Variants in SULT4A1 observed in about 807,000 individuals in gnomAD.
SULT4A1 encodes sulfotransferase family 4A member 1.
Under a neutral mutation model 35.2 loss-of-function variants are expected in SULT4A1, and 11 were observed. The ratio of observed to expected loss-of-function variants is 0.31; its 90% CI spans 0.20 to 0.52. The LOEUF is 0.52. SULT4A1 is among the 20% of genes least tolerant of loss of function. The pLI is 0.97. For synonymous variants in SULT4A1, 152 were observed against 151.8 expected (o/e 1.00, Z -0.01); for missense variants, 271 against 383.7 (o/e 0.71, Z 2.45).
intron 4 of SULT4A1, among the ~76,000 whole-genome samples, chr22:43,836,411 A>G (rs376263395): frequency 2.2e-5 from 3 of 135,584 alleles, no homozygotes; most frequent in Non-Finnish European, 3.1e-5. Context: ...CTCACACTGC[A>G]GGTGCCACAG....
rs369405029 is a variant in SULT4A1, at chr22:43,852,549, C to A, written c.169+9665G>T. On this transcript the variant is annotated intron_variant, in intron 1 of 6. Transcript: ENST00000330884. ...CCCAGGACCTGGGAGCTCCTGCCCC[C>A]ATCCAGGTGGGAACTGCCCCCCAGC... Among the ~76,000 whole-genome samples, 5 of 152,042 alleles carry A rather than the reference C, an allele frequency of 3.3e-5. No individual in the cohort carries two copies. The East Asian group carries it at 5.8e-4, about 18-fold the overall frequency.
intron 2 of SULT4A1, among the ~76,000 whole-genome samples, chr22:43,841,191 G>A (rs1176972719): frequency 6.6e-6 from 1 of 152,208 alleles, no homozygotes; most frequent in Non-Finnish European, 1.5e-5. Context: ...GGGCCCTGGA[G>A]GGCCACAGGG....
chr22:43,859,912 G>A (rs1350901401), intron 1 of SULT4A1, among the ~76,000 whole-genome samples: 1 of 152,344 alleles, frequency 6.6e-6, no homozygotes, highest in South Asian at 2.1e-4. Flanking sequence ...GTCCTACGCT[G>A]GAGAGCACAG....
intron 1 of SULT4A1, among the ~76,000 whole-genome samples, chr22:43,851,181 C>T (rs919723005): frequency 3.3e-5 from 5 of 152,196 alleles, no homozygotes; most frequent in Non-Finnish European, 7.3e-5. Context: ...ATTAAAACCT[C>T]CACCATCACA....
chr22:43,855,945 G>A (rs887319075), intron 1 of SULT4A1, among the ~76,000 whole-genome samples: 20 of 152,210 alleles, frequency 1.3e-4, no homozygotes, highest in African/African-American at 4.6e-4. Flanking sequence ...TGCAGGTGGC[G>A]AGAGGAATTC....
intron 4 of SULT4A1, among the ~76,000 whole-genome samples, chr22:43,838,389 G>A (rs1005825410): frequency 1.1e-4 from 16 of 151,800 alleles, no homozygotes; most frequent in African/African-American, 3.9e-4. Flanking sequence ...GTTCAGCCCG[G>A]CTGTCCTCCT....
chr22:43,842,837 C>T (rs1301415375), intron 1 of SULT4A1, among the ~76,000 whole-genome samples: 2 of 152,198 alleles, frequency 1.3e-5, no homozygotes, highest in Admixed American at 6.5e-5. Context: ...GTGGGAATTA[C>T]ATGGAAGCAT....
At chr22:43,843,278 T>A (rs993122355) in intron 1 of SULT4A1, among the ~76,000 whole-genome samples, 4 of 152,102 alleles carry the variant, frequency 2.6e-5, no homozygotes, top group Non-Finnish European at 5.9e-5. Flanking sequence ...AAACATTAGC[T>A]GGGCATAGTG....
At chr22:43,853,753 G>C (rs1038883796) in intron 1 of SULT4A1, among the ~76,000 whole-genome samples, 3 of 152,220 alleles carry the variant, frequency 2.0e-5, no homozygotes, top group African/African-American at 7.2e-5. Context: ...CTTCTGTTCC[G>C]GGTATACAAC....
chr22:43,854,856 C>T (rs1370673370), intron 1 of SULT4A1, among the ~76,000 whole-genome samples: 1 of 152,182 alleles, frequency 6.6e-6, no homozygotes, highest in African/African-American at 2.4e-5. Context: ...ACCTGACTAG[C>T]GGAGGCCCAC....
intron 6 of SULT4A1, chr22:43,827,721 T>C: frequency 1.9e-6 from 2 of 1,030,750 alleles, no homozygotes; most frequent in Admixed American, 2.1e-5. Context: ...GGAAGGAGCA[T>C]ATGGGCACAC....
chr22:43,848,943 C>A (rs553655543), intron 1 of SULT4A1, among the ~76,000 whole-genome samples: 19 of 152,370 alleles, frequency 1.2e-4, no homozygotes, highest in Middle Eastern at 3.4e-3. Flanking sequence ...CTTCGCAAGT[C>A]GGCTGGAAGC....
chr22:43,838,131 G>A (rs1445001399), intron 4 of SULT4A1, among the ~76,000 whole-genome samples: 1 of 152,260 alleles, frequency 6.6e-6, no homozygotes, highest in African/African-American at 2.4e-5. Context: ...GCACTGAGGA[G>A]CTCTGCCACC....
chr22:43,861,193 G>A (rs961451538), intron 1 of SULT4A1, among the ~76,000 whole-genome samples: 2 of 152,168 alleles, frequency 1.3e-5, no homozygotes, highest in African/African-American at 4.8e-5. Flanking sequence ...TCAGAAGAAT[G>A]TCAGAGACCT....
chr22:43,824,583 A>C lies in SULT4A1; in HGVS notation c.*1418T>G, dbSNP rs373297878. The stretch of plus-strand genomic sequence containing the variant: ...GTGTAGTGCTCAGTAACATCCATAC[A>C]GTACTAAAAATAGAAAAATATAAAT... On this transcript the variant is annotated 3_prime_UTR_variant, in exon 7 of 7. Coordinates refer to ENST00000330884, the MANE Select transcript of SULT4A1 (RefSeq NM_014351.4). 3.3e-5 allele frequency: 5 copies of C among 152,184 alleles called. No homozygotes were observed. In the East Asian group the frequency reaches 5.8e-4, roughly 18 times the overall value. The allele number at this position is 152,184 out of a possible 1,614,324, so 9.4% of individuals were successfully genotyped here.
chr22:43,835,724 C>A (rs1432401570), intron 4 of SULT4A1, among the ~76,000 whole-genome samples: 1 of 152,128 alleles, frequency 6.6e-6, no homozygotes, highest in Non-Finnish European at 1.5e-5. Flanking sequence ...AAAGAAAAAC[C>A]CCACTTCATT....
At chr22:43,860,711 C>T (rs192716146) in intron 1 of SULT4A1, among the ~76,000 whole-genome samples, 36 of 152,312 alleles carry the variant, frequency 2.4e-4, no homozygotes, top group Admixed American at 2.2e-3. Context: ...CAGAAGTCCA[C>T]TTGGAGGGGC....
chr22:43,826,715 C>A, intron 6 of SULT4A1: 2 of 985,462 alleles, frequency 2.0e-6, no homozygotes, highest in Non-Finnish European at 2.4e-6. Flanking sequence ...AAGAAGCCTG[C>A]CCTGGCAAAC....
At chr22:43,854,665 G>A (rs1018363846) in intron 1 of SULT4A1, among the ~76,000 whole-genome samples, 3 of 152,068 alleles carry the variant, frequency 2.0e-5, no homozygotes, top group South Asian at 2.1e-4. Flanking sequence ...GGGAGCCGAC[G>A]CCCTGAGCCA....
Sources: gnomAD v4.1 joint callset for allele counts (sites outside exome capture counted in the v4.1 genomes callset) on GRCh38, gnomAD v4.1.1 for gene constraint, MANE v1.5 for transcripts, NCBI Gene and HGNC (gene_info 2026-07-23, HGNC 2026-07-21) for gene names.